The following MRPS35 variants were observed in gnomAD, a reference collection of about 807,000 sequenced individuals.
The protein encoded by MRPS35 is mitochondrial ribosomal protein S35.
A neutral mutation model predicts 32.7 loss-of-function variants in MRPS35; 29 were observed. That is an observed-to-expected ratio of 0.89 (90% CI 0.66 to 1.21). The LOEUF (loss-of-function observed/expected upper bound fraction) is 1.21, where lower values mean the gene tolerates loss of function less well. Among genes scored for constraint, MRPS35 ranks in the 50% most tolerant of loss-of-function variants. The pLI is 0.00. For synonymous variants in MRPS35, 148 were observed against 139.3 expected (o/e 1.06, Z -0.44); for missense variants, 373 against 383.8 (o/e 0.97, Z 0.23).
In MRPS35 at chr12:27,741,178, T is replaced by A. The variant is rs537477554; in HGVS notation, c.702+3570T>A. On this transcript the variant is annotated intron_variant, in intron 7 of 7. Transcript: ENST00000081029. ...GTGAGACTCTGTCTCAAAAAAAAAATAATAATAATAATTAAAAAATAAGCA... is the reference window on the plus strand; with the variant it reads ...GTGAGACTCTGTCTCAAAAAAAAAAAAATAATAATAATTAAAAAATAAGCA... Among the ~76,000 whole-genome samples, 850 of 151,578 alleles carry A rather than the reference T, an allele frequency of 5.6e-3. 11 individuals carry two copies. The highest frequency in any genetic ancestry group is 0.018 in the African/African-American group (764 of 41,352).
chr12:27,749,971 C>T (rs2061995552), intron 7 of MRPS35, among the ~76,000 whole-genome samples: 1 of 152,170 alleles, frequency 6.6e-6, no homozygotes, highest in South Asian at 2.1e-4. Context: ...ATACAAACTT[C>T]CTGGATGACC....
At chr12:27,731,651 C>T (rs1366064394) in intron 5 of MRPS35, among the ~76,000 whole-genome samples, 1 of 152,168 alleles carries the variant, frequency 6.6e-6, no homozygotes, top group African/African-American at 2.4e-5. Context: ...TTACTGCAAC[C>T]TCTGCCTCCA....
chr12:27,724,011 C>G, intron 4 of MRPS35, 36 bp from the exon 5 acceptor site: 1 of 1,601,404 alleles, frequency 6.2e-7, no homozygotes, highest in Non-Finnish European at 8.5e-7. Flanking sequence ...AATTTACTTG[C>G]AAAAGTGTAA....
intron 2 of MRPS35, among the ~76,000 whole-genome samples, 184 bp downstream of exon 2, chr12:27,715,004 T>C (rs2061844005): frequency 6.6e-6 from 1 of 152,226 alleles, no homozygotes; most frequent in South Asian, 2.1e-4. Context: ...GAATAGATGA[T>C]CTTTGAGAGG....
chr12:27,718,284 A>G (rs974333526), intron 3 of MRPS35, among the ~76,000 whole-genome samples: 1 of 152,122 alleles, frequency 6.6e-6, no homozygotes, highest in African/African-American at 2.4e-5. Context: ...AAAATTAGCC[A>G]AGTGTAGTGG....
Position 27,719,669 on chromosome 12 carries a change from T to C in MRPS35, c.322-139T>C, listed in dbSNP as rs1453605077. 1.3e-5 allele frequency: 7 copies of C among 558,816 alleles called. No homozygotes were observed. The Admixed American group carries it at 2.2e-4, about 18-fold the overall frequency. 34.6% of individuals were successfully genotyped at this position (558,816 alleles called of 1,614,324 possible). On this transcript the variant is annotated intron_variant, in intron 3 of 7. Coordinates refer to ENST00000081029, the MANE Select transcript of MRPS35 (RefSeq NM_021821.4). ...GCCTGGGCGACAGAGCGAGACTCTG[T>C]CTCAAAAAAAAAAAAAAACAAACAG...
chr12:27,731,632 G>A (rs762775082), intron 5 of MRPS35, among the ~76,000 whole-genome samples: 1 of 152,028 alleles, frequency 6.6e-6, no homozygotes, highest in Non-Finnish European at 1.5e-5. Context: ...CCAGTGGCGC[G>A]ATCTTGGCTT....
At chr12:27,742,385 C>A (rs1316267741) in intron 7 of MRPS35, among the ~76,000 whole-genome samples, 1 of 152,114 alleles carries the variant, frequency 6.6e-6, no homozygotes, top group African/African-American at 2.4e-5. Flanking sequence ...AATGAATGAC[C>A]CCCTGCCTTA....
intron 7 of MRPS35, among the ~76,000 whole-genome samples, chr12:27,745,058 T>C (rs1383199580): frequency 2.6e-5 from 4 of 152,126 alleles, no homozygotes; most frequent in Non-Finnish European, 5.9e-5. Flanking sequence ...CAGGCTCAAG[T>C]GATCCTCCCG....
At chr12:27,721,304 A>C (rs2061873527) in intron 4 of MRPS35, among the ~76,000 whole-genome samples, 1 of 152,166 alleles carries the variant, frequency 6.6e-6, no homozygotes, top group Non-Finnish European at 1.5e-5. Flanking sequence ...CTATCCCTTT[A>C]GAGTGTGTGT....
In MRPS35 at chr12:27,732,885, T is replaced by G. The variant is rs527931535; in HGVS notation, c.523-2562T>G. On this transcript the variant is annotated intron_variant, in intron 5 of 7. Coordinates refer to ENST00000081029, the MANE Select transcript of MRPS35 (RefSeq NM_021821.4). ...GTCTTTTATGTAATACCAGCATTCT[T>G]TAACTAACCACATCATACTTGCATA... is the stretch of plus-strand genomic sequence containing the variant. 2.2e-4 allele frequency among the ~76,000 whole-genome samples: 33 copies of G among 151,750 alleles called. No individual in the cohort carries two copies. The South Asian group carries it at 3.7e-3, about 17-fold the overall frequency.
chr12:27,720,060 C>T (rs541378849), intron 4 of MRPS35, among the ~76,000 whole-genome samples, 192 bp downstream of exon 4: 1 of 152,236 alleles, frequency 6.6e-6, no homozygotes, highest in South Asian at 2.1e-4. Flanking sequence ...GATCCTTGTT[C>T]ACAGGTAAGT....
chr12:27,721,607 G>T (rs2061875635), intron 4 of MRPS35, among the ~76,000 whole-genome samples: 1 of 152,120 alleles, frequency 6.6e-6, no homozygotes, highest in Non-Finnish European at 1.5e-5. Context: ...AGTGAGCTCA[G>T]ATCACGCCAT....
intron 6 of MRPS35, among the ~76,000 whole-genome samples, chr12:27,737,310 A>G (rs545868280): frequency 6.6e-6 from 1 of 152,386 alleles, no homozygotes; most frequent in East Asian, 1.9e-4. Context: ...TAACTCCATT[A>G]GTAATGAAAA....
intron 5 of MRPS35, among the ~76,000 whole-genome samples, chr12:27,727,169 G>A (rs1479539541): frequency 6.6e-6 from 1 of 151,956 alleles, no homozygotes; most frequent in African/African-American, 2.4e-5. Context: ...CACCGTGTTA[G>A]CCAGGATGGT....
intron 1 of MRPS35, among the ~76,000 whole-genome samples, chr12:27,712,197 C>G (rs1275124708): frequency 2.0e-5 from 3 of 151,792 alleles, no homozygotes; most frequent in Non-Finnish European, 4.4e-5. Flanking sequence ...AGTGCAAAGG[C>G]CAAAAGTTGA....
At chr12:27,728,669 A>G (rs1429279470) in intron 5 of MRPS35, among the ~76,000 whole-genome samples, 5 of 152,058 alleles carry the variant, frequency 3.3e-5, no homozygotes, top group Non-Finnish European at 7.4e-5. Context: ...TTTGGTAATG[A>G]TGTATCTTAT....
chr12:27,714,888 A>G (rs2061843594), intron 2 of MRPS35, 68 bp downstream of exon 2: 1 of 1,363,918 alleles, frequency 7.3e-7, no homozygotes, highest in South Asian at 1.2e-5. Context: ...GATATTCATT[A>G]TAAGGCAGAA....
intron 7 of MRPS35, among the ~76,000 whole-genome samples, chr12:27,754,977 G>A (rs1000483230): frequency 2.0e-5 from 3 of 152,062 alleles, no homozygotes; most frequent in Middle Eastern, 3.4e-3. Context: ...GCCCTCAAGC[G>A]CAGGTGCAGG....
Sources: gnomAD v4.1 joint callset for allele counts (sites outside exome capture counted in the v4.1 genomes callset) on GRCh38, gnomAD v4.1.1 for gene constraint, MANE v1.5 for transcripts, NCBI Gene and HGNC (gene_info 2026-07-23, HGNC 2026-07-21) for gene names.